The following PRKCA variants were observed in gnomAD, a reference collection of about 807,000 sequenced individuals.
PRKCA encodes protein kinase C alpha, also known as protein kinase C alpha type.
In PRKCA, 27 loss-of-function variants were observed where a neutral mutation model predicts 87.0. That is an observed-to-expected ratio of 0.31 (90% confidence interval 0.23 to 0.43). The LOEUF is 0.43. Ranked by LOEUF, PRKCA falls within the 20% of genes least tolerant of loss-of-function variation. PRKCA has a pLI of 1.00. For missense variants in PRKCA, 518 were observed against 852.3 expected, an observed-to-expected ratio of 0.61 and a Z score of 4.88; for synonymous variants, 329 against 311.1, an observed-to-expected ratio of 1.06 and a Z score of -0.61.
chr17:66,737,079 G>A lies in PRKCA; in HGVS notation c.1230+1417G>A, dbSNP rs571843532. On this transcript the variant is annotated intron_variant, in intron 10 of 16. Coordinates refer to ENST00000413366, the MANE Select transcript of PRKCA (RefSeq NM_002737.3). ...CTACAAGAAACAGACATGGCCGGGC[G>A]CGGTGGCTCACGCCTGTAATCCCAG... 1.3e-3 allele frequency among the ~76,000 whole-genome samples: 200 copies of A among 152,244 alleles called. 2 individuals are homozygous for A. Among genetic ancestry groups the A allele is most frequent in the Middle Eastern group, 6.8e-3 (2 of 294 alleles).
intron 2 of PRKCA, among the ~76,000 whole-genome samples, chr17:66,472,379 C>A (rs149098010): frequency 8.5e-5 from 13 of 152,260 alleles, no homozygotes; most frequent in African/African-American, 1.2e-4. Context: ...TGCTCACAGC[C>A]CACCCGCCTC....
At chr17:66,676,159 C>T (rs1313584888) in intron 5 of PRKCA, among the ~76,000 whole-genome samples, 1 of 152,126 alleles carries the variant, frequency 6.6e-6, no homozygotes, top group Non-Finnish European at 1.5e-5. Context: ...CTCGCAGCAT[C>T]GTCAGAAGAG....
chr17:66,787,678 T>C (rs1048135993), intron 15 of PRKCA, among the ~76,000 whole-genome samples: 2 of 152,146 alleles, frequency 1.3e-5, no homozygotes, highest in African/African-American at 4.8e-5. Flanking sequence ...TCCACCACCC[T>C]GGAAGCCCTC....
In PRKCA at chr17:66,566,727, A is replaced by G. The variant is rs567545009; in HGVS notation, c.288+70444A>G. ...AAAGAGCCACCCTCAAATTTAAAGT[A>G]GAAATAGATTCTTCATTCTACACCT... On this transcript the variant is annotated intron_variant, in intron 3 of 16. Coordinates refer to ENST00000413366, the MANE Select transcript of PRKCA (RefSeq NM_002737.3). Among the ~76,000 whole-genome samples, 4 of 152,308 alleles carry G rather than the reference A, an allele frequency of 2.6e-5. No individual in the cohort carries two copies. In the South Asian group the frequency reaches 8.3e-4, roughly 32 times the overall value.
chr17:66,618,434 C>G (rs1281244624), intron 3 of PRKCA, among the ~76,000 whole-genome samples: 1 of 151,322 alleles, frequency 6.6e-6, no homozygotes, highest in African/African-American at 2.4e-5. Flanking sequence ...ACAGTCTTTA[C>G]TCTGTCTATA....
At chr17:66,736,442 T>C (rs549190923) in intron 10 of PRKCA, among the ~76,000 whole-genome samples, 3 of 152,152 alleles carry the variant, frequency 2.0e-5, no homozygotes, top group Non-Finnish European at 4.4e-5. Context: ...CACGCCCGGC[T>C]AATTTTTGTA....
intron 3 of PRKCA, among the ~76,000 whole-genome samples, chr17:66,560,672 A>G (rs536474799): frequency 6.6e-6 from 1 of 152,278 alleles, no homozygotes; most frequent in South Asian, 2.1e-4. Context: ...AAGCCCTATG[A>G]CACCGTTCAA....
At chr17:66,451,111 T>C (rs1371331656) in intron 2 of PRKCA, among the ~76,000 whole-genome samples, 1 of 152,196 alleles carries the variant, frequency 6.6e-6, no homozygotes, top group African/African-American at 2.4e-5. Flanking sequence ...TTTGACTCTA[T>C]TAACCAAGTA....
At chr17:66,751,894 C>G (rs142695987) in intron 13 of PRKCA, among the ~76,000 whole-genome samples, 2 of 152,348 alleles carry the variant, frequency 1.3e-5, no homozygotes, top group East Asian at 3.9e-4. Flanking sequence ...TACACACTTT[C>G]AAACAACCAG....
chr17:66,517,567 T>C (rs906589729), intron 3 of PRKCA, among the ~76,000 whole-genome samples: 1 of 152,216 alleles, frequency 6.6e-6, no homozygotes, highest in Admixed American at 6.5e-5. Context: ...AAATATTTAT[T>C]GAATTAGCAA....
intron 2 of PRKCA, among the ~76,000 whole-genome samples, chr17:66,456,083 C>T (rs947278075): frequency 2.0e-5 from 3 of 151,930 alleles, no homozygotes; most frequent in Admixed American, 6.6e-5. Flanking sequence ...GAGATTGGAA[C>T]GATGCATCTA....
intron 2 of PRKCA, among the ~76,000 whole-genome samples, chr17:66,334,686 A>G (rs1053728956): frequency 3.3e-5 from 5 of 152,236 alleles, no homozygotes; most frequent in African/African-American, 9.6e-5. Flanking sequence ...GCTGCTGTAG[A>G]AAATGGTATG....
chr17:66,376,939 G>A (rs933225990), intron 2 of PRKCA, among the ~76,000 whole-genome samples: 1 of 152,206 alleles, frequency 6.6e-6, no homozygotes, highest in Non-Finnish European at 1.5e-5. Flanking sequence ...CTGAGGCAGA[G>A]AAGATGCTGG....
chr17:66,484,099 G>A (rs1915899811), intron 2 of PRKCA, among the ~76,000 whole-genome samples: 2 of 152,164 alleles, frequency 1.3e-5, no homozygotes, highest in Admixed American at 1.3e-4. Flanking sequence ...GCAAGAAAGA[G>A]AAGGAGAGCC....
At chr17:66,602,343 C>G (rs1232489885) in intron 3 of PRKCA, among the ~76,000 whole-genome samples, 1 of 141,326 alleles carries the variant, frequency 7.1e-6, no homozygotes, top group African/African-American at 2.7e-5. Flanking sequence ...CAGGTGCGTC[C>G]GTCACCCCTT....
At chr17:66,528,067 G>A (rs138555470) in intron 3 of PRKCA, among the ~76,000 whole-genome samples, 13 of 151,896 alleles carry the variant, frequency 8.6e-5, no homozygotes, top group Non-Finnish European at 1.9e-4. Context: ...TTAGCCAGGC[G>A]TGGTGGCTAC....
At chr17:66,516,494 G>A (rs1407085301) in intron 3 of PRKCA, among the ~76,000 whole-genome samples, 4 of 152,072 alleles carry the variant, frequency 2.6e-5, no homozygotes, top group Admixed American at 6.5e-5. Flanking sequence ...TTAGCCAGGC[G>A]TGATGGTGGG....
At chr17:66,717,154 T>C (rs16960112) in intron 8 of PRKCA, among the ~76,000 whole-genome samples, 22,316 of 152,002 alleles carry the variant, frequency 0.15, 1,859 homozygotes, top group East Asian at 0.27. Flanking sequence ...TGAGGATGAG[T>C]GATTTGAGAA....
chr17:66,707,631 G>T (rs1238762350), intron 8 of PRKCA, among the ~76,000 whole-genome samples: 1 of 152,152 alleles, frequency 6.6e-6, no homozygotes, highest in Non-Finnish European at 1.5e-5. Flanking sequence ...TTTCTAACTG[G>T]TGGATGCTGC....
Sources: allele counts gnomAD v4.1 joint callset (sites outside exome capture counted in the v4.1 genomes callset), GRCh38; gene constraint gnomAD v4.1.1; transcripts MANE v1.5; gene names NCBI Gene and HGNC (gene_info 2026-07-23, HGNC 2026-07-21).